The following NCOR1 variants were observed in gnomAD, a reference collection of about 807,000 sequenced individuals.
NCOR1 encodes the protein nuclear receptor corepressor 1.
Under a neutral mutation model 288.1 loss-of-function variants are expected in NCOR1, and 63 were observed. The ratio of observed to expected loss-of-function variants is 0.22; its 90% confidence interval spans 0.18 to 0.27. The LOEUF (loss-of-function observed/expected upper bound fraction) is 0.27. Among genes scored for constraint, NCOR1 ranks in the 10% least tolerant of loss-of-function variants. The pLI is 1.00. For missense variants in NCOR1, 2,397 were observed against 3,019.2 expected, an observed-to-expected ratio of 0.79 and a Z score of 4.83; for synonymous variants, 1,007 against 1,065.9, an observed-to-expected ratio of 0.94 and a Z score of 1.08.
At chr17:16,062,314 A>G in intron 35 of NCOR1, 44 bp from the exon 36 acceptor site, 1 of 1,532,154 alleles carries the variant, frequency 6.5e-7, no homozygotes, top group Non-Finnish European at 8.7e-7. Context: ...ATAAGGAGGA[A>G]GCCAGAGACA....
At chr17:16,098,691 G>A (rs908435490) in intron 20 of NCOR1, 195 bp from the exon 21 acceptor site, 7 of 410,074 alleles carry the variant, frequency 1.7e-5, no homozygotes, top group African/African-American at 1.5e-4. Context: ...TCCAGATAAA[G>A]AAACTGAATA....
At chr17:16,204,290 A>G (rs1415752564) in intron 1 of NCOR1, among the ~76,000 whole-genome samples, 1 of 152,228 alleles carries the variant, frequency 6.6e-6, no homozygotes, top group Non-Finnish European at 1.5e-5. Context: ...TAGAATTCAC[A>G]CACAATTTTA....
intron 1 of NCOR1, among the ~76,000 whole-genome samples, chr17:16,201,726 G>A (rs1013073096): frequency 6.6e-5 from 10 of 152,102 alleles, no homozygotes; most frequent in African/African-American, 2.2e-4. Context: ...GTGGTATGTC[G>A]ACACTACATT....
At position 16,075,577 on chromosome 17, in the gene NCOR1, A is replaced by T. The variant is rs760590598; in HGVS notation, c.3627T>A (p.His1209Gln). The T allele has an allele frequency of 1.9e-6, 3 of 1,614,230 alleles. No homozygotes were observed. The East Asian group carries it at 6.7e-5, about 36-fold the overall frequency. ...KGREEAASKG[H>Q]VIYEGKSGHI... The stretch of plus-strand genomic sequence containing the variant: ...GTCCACTTTTGCCTTCATAAATAAC[A>T]TGGCCTTTGGATGCAGCTTCCTCTC... Residue 1209 changes from histidine (H) to glutamine (Q), a missense_variant, in exon 27 of 46, where the codon CAT becomes CAA. Physicochemically the swap from His to Gln is conservative, Grantham distance 24. Around this residue, in one of 11 missense-constraint regions of NCOR1, gnomAD observed 1,872 missense variants for 2,187.8 expected, o/e 0.86. Transcript: ENST00000268712.
chr17:16,070,639 C>A, intron 30 of NCOR1, 114 bp from the exon 31 acceptor site: 2 of 1,414,426 alleles, frequency 1.4e-6, no homozygotes, highest in Non-Finnish European at 1.9e-6. Flanking sequence ...CTTTTTTGGT[C>A]TGTTTACAAA....
chr17:16,125,564 T>C (rs1205690703), intron 15 of NCOR1, among the ~76,000 whole-genome samples: 1 of 151,562 alleles, frequency 6.6e-6, no homozygotes, highest in Non-Finnish European at 1.5e-5. Flanking sequence ...TAGCTGGGCA[T>C]GGTGGCAGAT....
At chr17:16,075,483 T>C in intron 27 of NCOR1, 51 bp downstream of exon 27, 2 of 1,578,082 alleles carry the variant, frequency 1.3e-6, no homozygotes, top group Non-Finnish European at 1.7e-6. Context: ...CAAGCCTATG[T>C]TTTTAGCACA....
chr17:16,121,291 A>G (rs1432226665), intron 15 of NCOR1, 22 bp from the exon 16 acceptor site: 83 of 1,599,414 alleles, frequency 5.2e-5, no homozygotes, highest in Non-Finnish European at 7.0e-5. Context: ...AGCAAATGAA[A>G]ACTTGTGTGA....
chr17:16,045,531 C>T (rs2058519963), intron 42 of NCOR1, among the ~76,000 whole-genome samples: 1 of 152,112 alleles, frequency 6.6e-6, no homozygotes, highest in Non-Finnish European at 1.5e-5. Flanking sequence ...TTTTTTGAGA[C>T]AGAGACTCAC....
chr17:16,128,831 A>G (rs979351266), intron 14 of NCOR1, among the ~76,000 whole-genome samples: 6 of 152,168 alleles, frequency 3.9e-5, no homozygotes, highest in African/African-American at 1.4e-4. Context: ...CACCTCCCCA[A>G]AAGAAGTCCC....
Position 16,211,263 on chromosome 17 carries a change from A to T in NCOR1, c.-71+4099T>A, listed in dbSNP as rs371533145. 2.2e-4 allele frequency among the ~76,000 whole-genome samples: 33 copies of T among 147,660 alleles called. 1 individual carries two copies. Among genetic ancestry groups the T allele is most frequent in the South Asian group, 1.1e-3 (5 of 4,714 alleles). ...AGCTATTTTTATTTTATTTTTATTT[A>T]TTTTTTTTTTTGAGAGACAGTCTTG... is the stretch of plus-strand genomic sequence containing the variant. On this transcript the variant is annotated intron_variant, in intron 1 of 45. Coordinates refer to ENST00000268712, the MANE Select transcript of NCOR1 (RefSeq NM_006311.4).
intron 22 of NCOR1, among the ~76,000 whole-genome samples, chr17:16,090,956 T>C (rs1050502461): frequency 6.6e-6 from 1 of 152,236 alleles, no homozygotes; most frequent in African/African-American, 2.4e-5. Flanking sequence ...TCTGATATTC[T>C]AAGCATATCG....
chr17:16,092,412 G>C (rs1197045081), intron 21 of NCOR1, among the ~76,000 whole-genome samples: 1 of 151,828 alleles, frequency 6.6e-6, no homozygotes, highest in African/African-American at 2.4e-5. Context: ...ACTTGAGCCT[G>C]GGAGGCAGAG....
chr17:16,201,299 TACTC>T (rs1437258713), intron 1 of NCOR1, among the ~76,000 whole-genome samples: 2 of 152,160 alleles, frequency 1.3e-5, no homozygotes, highest in Non-Finnish European at 2.9e-5. Context: ...TGGGTACACA[TACTC>T]AATAAGTAAT....
intron 1 of NCOR1, among the ~76,000 whole-genome samples, chr17:16,201,737 G>T (rs1232525974): frequency 6.6e-6 from 1 of 152,108 alleles, no homozygotes; most frequent in Non-Finnish European, 1.5e-5. Context: ...ACACTACATT[G>T]AACTAATTCT....
intron 3 of NCOR1, among the ~76,000 whole-genome samples, chr17:16,177,224 A>G (rs2084374228): frequency 6.6e-6 from 1 of 152,030 alleles, no homozygotes; most frequent in Non-Finnish European, 1.5e-5. Flanking sequence ...TGGCTGTCTT[A>G]TCATTTTGTT....
chr17:16,164,925 T>C, intron 5 of NCOR1, 54 bp downstream of exon 5: 1 of 1,248,964 alleles, frequency 8.0e-7, no homozygotes, highest in Middle Eastern at 2.0e-4. Context: ...CAAAAATATC[T>C]ACTGTAGGGA....
Position 16,101,339 on chromosome 17 carries a change from A to C in NCOR1, c.2601T>G (p.Asn867Lys). 6.2e-7 allele frequency: 1 copy of C among 1,614,158 alleles called. No homozygotes were observed. Among genetic ancestry groups the C allele is most frequent in the Non-Finnish European group, 8.5e-7 (1 of 1,180,018 alleles). ...CTGACTGGGGCTCGGGCCTTTGGGC[A>C]TTTATTTGCTGAGCTACCACCAAAT... ...DEDLVVAQQI[N>K]AQRPEPQSDN... The change falls in exon 20 of 46, where the codon AAT (asparagine) becomes AAG (lysine). Residue 867 changes from asparagine (N) to lysine (K), a missense_variant. This residue lies in a region of NCOR1 where 1,872 missense variants were observed against 2,187.8 expected (regional missense o/e 0.86). Transcript: ENST00000268712.
At chr17:16,117,059 T>C (rs1349233967) in intron 18 of NCOR1, among the ~76,000 whole-genome samples, 1 of 152,250 alleles carries the variant, frequency 6.6e-6, no homozygotes, top group Non-Finnish European at 1.5e-5. Context: ...TCTATGGTCT[T>C]TGACAACCAC....
Sources: allele counts gnomAD v4.1 joint callset (sites outside exome capture counted in the v4.1 genomes callset), GRCh38; gene constraint gnomAD v4.1.1; regional missense constraint gnomAD v4.1.1; transcripts MANE v1.5; gene names NCBI Gene and HGNC (gene_info 2026-07-23, HGNC 2026-07-21).